Variants in MAP4K3 observed in about 807,000 individuals in gnomAD.
MAP4K3 encodes the protein MAPK/ERK kinase kinase kinase 3.
In MAP4K3, 94 loss-of-function variants were observed where a neutral mutation model predicts 143.5. The ratio of observed to expected loss-of-function variants is 0.65; its 90% CI spans 0.55 to 0.78. The LOEUF is 0.78. MAP4K3 is among the 30% of genes least tolerant of loss of function. The pLI is 0.00. For missense variants in MAP4K3, 1,077 were observed against 1,068.1 expected (o/e 1.01, Z -0.12); for synonymous variants, 416 against 347.2 (o/e 1.20, Z -2.20).
Position 39,328,349 on chromosome 2 carries a change from CA to C in MAP4K3, c.531-2073del, listed in dbSNP as rs906621680. Among the ~76,000 whole-genome samples, 263 of 152,118 alleles carry C rather than the reference CA, an allele frequency of 1.7e-3. 3 individuals are homozygous for C. The highest frequency in any genetic ancestry group is 6.2e-3 in the African/African-American group (256 of 41,518). On this transcript the variant is annotated intron_variant, in intron 8 of 33. Transcript: ENST00000263881. Reference sequence around the variant, plus strand: ...CCATCTCAAAAACCAAAAACAAAAACAAACAAAAATTAGTGAATGCTTTAGA... The same window carrying C: ...CCATCTCAAAAACCAAAAACAAAAACAACAAAAATTAGTGAATGCTTTAGA...
intron 18 of MAP4K3, among the ~76,000 whole-genome samples, chr2:39,291,860 G>A (rs1273599138): frequency 6.6e-6 from 1 of 152,118 alleles, no homozygotes; most frequent in Admixed American, 6.5e-5. Flanking sequence ...GGGCCACAGA[G>A]CAAGCAAGAC....
At chr2:39,423,905 G>T (rs1664974190) in intron 1 of MAP4K3, among the ~76,000 whole-genome samples, 1 of 152,154 alleles carries the variant, frequency 6.6e-6, no homozygotes, top group South Asian at 2.1e-4. Flanking sequence ...TGTAAACTAT[G>T]AACTTTAATT....
chr2:39,282,987 G>C (rs114679158), intron 21 of MAP4K3, among the ~76,000 whole-genome samples: 5,107 of 152,256 alleles, frequency 0.034, 108 homozygotes, highest in African/African-American at 0.053. Context: ...TTTAACTGCA[G>C]CATGGCATAA....
At chr2:39,360,976 G>T (rs185315135) in intron 2 of MAP4K3, among the ~76,000 whole-genome samples, 1 of 151,972 alleles carries the variant, frequency 6.6e-6, no homozygotes, top group African/African-American at 2.4e-5. Context: ...CCCTGAAAAG[G>T]TCCCTTATTT....
chr2:39,289,587 TAATTAA>T (rs1187153074), intron 19 of MAP4K3, among the ~76,000 whole-genome samples: 3 of 152,230 alleles, frequency 2.0e-5, no homozygotes, highest in Non-Finnish European at 2.9e-5. Flanking sequence ...TTTGTATTTT[TAATTAA>T]AATTATCTTT....
intron 8 of MAP4K3, among the ~76,000 whole-genome samples, chr2:39,326,726 A>C (rs900476580): frequency 6.6e-6 from 1 of 152,024 alleles, no homozygotes; most frequent in African/African-American, 2.4e-5. Flanking sequence ...GTGTTGAGGG[A>C]GGGGCCTCGT....
intron 1 of MAP4K3, among the ~76,000 whole-genome samples, chr2:39,383,236 T>C (rs1017067155): frequency 2.6e-5 from 4 of 152,158 alleles, no homozygotes; most frequent in Non-Finnish European, 5.9e-5. Flanking sequence ...TCCGCAGGGT[T>C]GGGAAGCCTC....
chr2:39,374,527 C>G (rs1666167970), intron 2 of MAP4K3, among the ~76,000 whole-genome samples: 11 of 151,682 alleles, frequency 7.3e-5, no homozygotes. Flanking sequence ...ACTAAAAATA[C>G]AAAAATTAGC....
At chr2:39,274,993 T>A (rs1681186569) in intron 24 of MAP4K3, among the ~76,000 whole-genome samples, 1 of 152,202 alleles carries the variant, frequency 6.6e-6, no homozygotes, top group Non-Finnish European at 1.5e-5. Context: ...TAATCATCAA[T>A]TTCACAGTAA....
intron 2 of MAP4K3, among the ~76,000 whole-genome samples, chr2:39,365,435 T>C (rs1486983272): frequency 7.1e-6 from 1 of 141,282 alleles, no homozygotes; most frequent in African/African-American, 2.6e-5. Context: ...TAGTAATTTT[T>C]TTTTTTTTTT....
intron 24 of MAP4K3, among the ~76,000 whole-genome samples, chr2:39,278,142 C>T (rs370978849): frequency 1.7e-3 from 258 of 151,762 alleles, no homozygotes; most frequent in African/African-American, 5.9e-3. Context: ...ATTGGCTGGG[C>T]GTGGTGGTGC....
intron 7 of MAP4K3, among the ~76,000 whole-genome samples, chr2:39,332,534 T>C (rs1683715257): frequency 6.6e-6 from 1 of 152,062 alleles, no homozygotes; most frequent in Non-Finnish European, 1.5e-5. Context: ...GATTTGTTAC[T>C]ATTCTTTTAG....
At position 39,326,586 on chromosome 2, in the gene MAP4K3, G is replaced by T. The variant is rs1477118525; in HGVS notation, c.531-309C>A. On this transcript the variant is annotated intron_variant, in intron 8 of 33. Transcript: ENST00000263881. ...GCTGGAATGAGTTAAGACTTTGGGG[G>T]ACTGTTGGGAAGGCATGACTGGTTT... 5.9e-5 allele frequency among the ~76,000 whole-genome samples: 9 copies of T among 152,226 alleles called. No individual in the cohort carries two copies. The East Asian group carries it at 1.7e-3, about 29-fold the overall frequency.
chr2:39,348,572 C>T (rs1665363110), intron 3 of MAP4K3, among the ~76,000 whole-genome samples: 1 of 152,104 alleles, frequency 6.6e-6, no homozygotes, highest in South Asian at 2.1e-4. Context: ...GAAAGGACTT[C>T]AGTCAATCAG....
At chr2:39,390,377 C>T (rs1038277874) in intron 1 of MAP4K3, among the ~76,000 whole-genome samples, 2 of 152,198 alleles carry the variant, frequency 1.3e-5, no homozygotes, top group African/African-American at 2.4e-5. Flanking sequence ...ATACAAACCA[C>T]TTGTAGATCT....
chr2:39,260,417 G>A (rs1382482850), intron 29 of MAP4K3, among the ~76,000 whole-genome samples, 189 bp downstream of exon 29: 1 of 152,102 alleles, frequency 6.6e-6, no homozygotes, highest in African/African-American at 2.4e-5. Flanking sequence ...TGCCCTGCCA[G>A]CCAATGTTTT....
Position 39,325,816 on chromosome 2 carries a change from G to C in MAP4K3, c.726-5C>G. 6.3e-7 allele frequency: 1 copy of C among 1,594,774 alleles called. No individual in the cohort carries two copies. Among genetic ancestry groups the C allele is most frequent in the Non-Finnish European group, 8.5e-7 (1 of 1,172,152 alleles). ...AAGTGATGAAAACTATTTGACCTAA[G>C]AAATTTAGAAAATTAGACTTTTACA... On this transcript the variant is annotated splice_polypyrimidine_tract_variant and splice_region_variant and intron_variant, in intron 10 of 33. Transcript: ENST00000263881.
At chr2:39,358,038 C>A (rs1047976669) in intron 2 of MAP4K3, among the ~76,000 whole-genome samples, 113 of 152,250 alleles carry the variant, frequency 7.4e-4, no homozygotes, top group African/African-American at 2.5e-3. Flanking sequence ...ATGTGGAAAG[C>A]ATTGAGGAGA....
intron 21 of MAP4K3, among the ~76,000 whole-genome samples, chr2:39,285,934 T>C (rs1681756781): frequency 6.6e-6 from 1 of 152,224 alleles, no homozygotes; most frequent in Non-Finnish European, 1.5e-5. Flanking sequence ...TGATCCCTGA[T>C]GAATAACATT....
Sources: allele counts gnomAD v4.1 joint callset (sites outside exome capture counted in the v4.1 genomes callset), GRCh38; gene constraint gnomAD v4.1.1; transcripts MANE v1.5; gene names NCBI Gene and HGNC (gene_info 2026-07-23, HGNC 2026-07-21).